The following PPP2R2D variants were observed in gnomAD, a reference collection of about 807,000 sequenced individuals.
PPP2R2D encodes protein phosphatase 2 regulatory subunit Bdelta.
Under a neutral mutation model 31.1 loss-of-function variants are expected in PPP2R2D, and 9 were observed. The observed-to-expected ratio is 0.29, with a 90% confidence interval of 0.17 to 0.51. The LOEUF (loss-of-function observed/expected upper bound fraction) is 0.51, where lower values mean the gene tolerates loss of function less well. Ranked by LOEUF, PPP2R2D falls within the 20% of genes least tolerant of loss-of-function variation. PPP2R2D has a pLI of 0.98. For synonymous variants in PPP2R2D, 179 were observed against 172.6 expected (o/e 1.04, Z -0.29); for missense variants, 391 against 465.6 (o/e 0.84, Z 1.48).
At position 131,919,677 on chromosome 10, in the gene PPP2R2D, G is replaced by A. The variant is rs375903235; in HGVS notation, c.101-14781G>A. ...ATGACACAGTGTAGGGACCTCACGC[G>A]GGTGGAATGACAGTGTTTATAGGGA... On this transcript the variant is annotated intron_variant, in intron 2 of 8. Coordinates refer to ENST00000455566, the MANE Select transcript of PPP2R2D (RefSeq NM_018461.5). 1.1e-4 allele frequency among the ~76,000 whole-genome samples: 14 copies of A among 125,962 alleles called. 1 individual carries two copies. The highest frequency in any genetic ancestry group is 3.1e-4 in the East Asian group (1 of 3,208). The allele number at this position is 125,962 out of a possible 152,430, so 82.6% of individuals were successfully genotyped here.
At chr10:131,903,736 A>G (rs2035538980) in intron 2 of PPP2R2D, among the ~76,000 whole-genome samples, 1 of 152,190 alleles carries the variant, frequency 6.6e-6, no homozygotes, top group Non-Finnish European at 1.5e-5. Context: ...ACACATTTAT[A>G]AGTCACCATC....
chr10:131,967,518 T>TAA, the PPP2R2D span: 1 of 152,278 alleles, frequency 6.6e-6, no homozygotes, highest in Non-Finnish European at 1.5e-5. Flanking sequence ...ATGAAAACGT[T>TAA]AGATTTAACA....
chr10:131,906,361 GT>G (rs1459987352), intron 2 of PPP2R2D, among the ~76,000 whole-genome samples: 1 of 152,128 alleles, frequency 6.6e-6, no homozygotes, highest in African/African-American at 2.4e-5. Context: ...GCTTTAATCA[GT>G]TTCTTAATCC....
intron 2 of PPP2R2D, among the ~76,000 whole-genome samples, chr10:131,911,051 C>A (rs1237839015): frequency 6.6e-6 from 1 of 152,194 alleles, no homozygotes; most frequent in Non-Finnish European, 1.5e-5. Flanking sequence ...TAAAGTGTTT[C>A]CCTGAGATCT....
chr10:131,955,864 C>T lies in PPP2R2D; in HGVS notation c.1263C>T (p.Phe421=). The T allele has an allele frequency of 2.5e-6, 4 of 1,610,182 alleles. No homozygotes were observed. Among genetic ancestry groups the T allele is most frequent in the Non-Finnish European group, 3.4e-6 (4 of 1,177,996 alleles). The stretch of plus-strand genomic sequence containing the variant: ...AGATCAGTGTGGACAGTCTGGACTT[C>T]AACAAGAAGATCCTGCACACAGCCT... The part of the protein sequence containing the change: ...KDEISVDSLD[F]NKKILHTAWH... The change falls in exon 9 of 9, where the codon TTC becomes TTT. Residue 421 remains phenylalanine (F), a synonymous_variant. Transcript: ENST00000455566.
At chr10:131,925,805 G>C (rs1285145515) in intron 2 of PPP2R2D, among the ~76,000 whole-genome samples, 3 of 152,194 alleles carry the variant, frequency 2.0e-5, no homozygotes, top group Non-Finnish European at 4.4e-5. Flanking sequence ...TCTCAGCAAA[G>C]ATAGGGATTC....
At chr10:131,905,710 T>G (rs1008519298) in intron 2 of PPP2R2D, among the ~76,000 whole-genome samples, 9 of 152,192 alleles carry the variant, frequency 5.9e-5, no homozygotes, top group Non-Finnish European at 4.4e-5. Context: ...GTGGGAGCAA[T>G]TAACCTGGGT....
intron 2 of PPP2R2D, among the ~76,000 whole-genome samples, chr10:131,921,947 G>C (rs2035995000): frequency 6.6e-6 from 1 of 152,214 alleles, no homozygotes; most frequent in Non-Finnish European, 1.5e-5. Flanking sequence ...AATATATTCA[G>C]TCAGACAGCC....
intron 5 of PPP2R2D, 82 bp downstream of exon 5, chr10:131,940,776 C>G (rs201806612): frequency 1.5e-6 from 1 of 681,274 alleles, no homozygotes; most frequent in African/African-American, 1.8e-5. Flanking sequence ...GAGTGCTGCG[C>G]GGTGGAGTAC....
chr10:131,951,028 G>A (rs782601569), intron 8 of PPP2R2D, among the ~76,000 whole-genome samples: 2 of 152,240 alleles, frequency 1.3e-5, no homozygotes, highest in Non-Finnish European at 2.9e-5. Context: ...TTGTCAACAA[G>A]AAGGTGGCAA....
At chr10:131,954,544 C>G (rs1341737391) in intron 8 of PPP2R2D, among the ~76,000 whole-genome samples, 1 of 152,136 alleles carries the variant, frequency 6.6e-6, no homozygotes, top group Non-Finnish European at 1.5e-5. Context: ...TCTCCCGCCT[C>G]TGTGGCGCTG....
At chr10:131,939,101 C>T (rs2036395517) in intron 3 of PPP2R2D, among the ~76,000 whole-genome samples, 2 of 150,772 alleles carry the variant, frequency 1.3e-5, no homozygotes, top group Non-Finnish European at 1.5e-5. Context: ...AGACCTGCTC[C>T]AGAAAACACG....
At chr10:131,903,663 G>A (rs1307419785) in intron 2 of PPP2R2D, among the ~76,000 whole-genome samples, 1 of 152,086 alleles carries the variant, frequency 6.6e-6, no homozygotes, top group African/African-American at 2.4e-5. Context: ...TGGTTATTCT[G>A]TGTATTCAGA....
intron 2 of PPP2R2D, among the ~76,000 whole-genome samples, chr10:131,906,034 C>G (rs1211843390): frequency 1.3e-5 from 2 of 152,220 alleles, no homozygotes; most frequent in Non-Finnish European, 2.9e-5. Flanking sequence ...AACCAATTCT[C>G]AAACTATTTG....
At chr10:131,924,770 T>C (rs1238045497) in intron 2 of PPP2R2D, among the ~76,000 whole-genome samples, 1 of 152,170 alleles carries the variant, frequency 6.6e-6, no homozygotes, top group Non-Finnish European at 1.5e-5. Context: ...GGAGATACTT[T>C]CTTAAGTTTT....
chr10:131,903,133 A>C (rs2035528335), intron 2 of PPP2R2D, among the ~76,000 whole-genome samples: 1 of 152,224 alleles, frequency 6.6e-6, no homozygotes, highest in Non-Finnish European at 1.5e-5. Context: ...GTATATTTTA[A>C]ATGTGACTGT....
downstream of PPP2R2D, among the ~76,000 whole-genome samples, chr10:131,961,741 C>T (rs892535561): frequency 3.5e-4 from 54 of 152,316 alleles, no homozygotes; most frequent in African/African-American, 1.1e-3. Flanking sequence ...GCACCCAGTC[C>T]CAAGGGCACA....
the PPP2R2D span, chr10:131,970,504 G>A: frequency 1.9e-5 from 24 of 1,283,596 alleles, no homozygotes; most frequent in East Asian, 2.0e-4. This position sits in a 1 kb window ranked among gnomAD's most constrained non-coding sequence, Gnocchi z 4.1. Context: ...CAGTGACTAC[G>A]TGGGTGTTTG....
At position 131,944,102 on chromosome 10, in the gene PPP2R2D, G is replaced by A. The variant is rs1554897575; in HGVS notation, c.612G>A (p.Leu204=). The A allele has an allele frequency of 1.2e-6, 2 of 1,612,038 alleles. No individual in the cohort carries two copies. Among genetic ancestry groups the A allele is most frequent in the South Asian group, 2.2e-5 (2 of 90,674 alleles). The change falls in exon 6 of 9, where the codon CTG becomes CTA. Residue 204 remains leucine (L), a synonymous_variant. Coordinates refer to ENST00000455566, the MANE Select transcript of PPP2R2D (RefSeq NM_018461.5). ...DHETYLSADD[L]RINLWHLEIT... ...AAACATATCTTTCTGCAGATGACCT[G>A]AGAATTAATTTATGGCACTTAGAAA...
Sources: allele counts gnomAD v4.1 joint callset (sites outside exome capture counted in the v4.1 genomes callset), GRCh38; gene constraint gnomAD v4.1.1; non-coding constraint Gnocchi (gnomAD v3.1); transcripts MANE v1.5; gene names NCBI Gene and HGNC (gene_info 2026-07-23, HGNC 2026-07-21).